Variants in PANK1 observed in about 807,000 individuals in gnomAD.
PANK1 encodes the protein pantothenate kinase 1.
PANK1 carries 18 observed loss-of-function variants against 40.1 expected under a neutral mutation model. The observed-to-expected ratio is 0.45, with a 90% confidence interval of 0.31 to 0.67. PANK1 has a LOEUF of 0.67. Among genes scored for constraint, PANK1 ranks in the 30% least tolerant of loss-of-function variants. The probability of loss-of-function intolerance (pLI) is 0.06; values close to 1 mark genes in which losing one functional copy is unlikely to be tolerated. For synonymous variants in PANK1, 242 were observed against 237.7 expected (o/e 1.02, Z -0.17); for missense variants, 457 against 599.6 (o/e 0.76, Z 2.48).
At chr10:89,644,481 C>T in intron 1 of PANK1, 119 bp downstream of exon 1, 2 of 863,734 alleles carry the variant, frequency 2.3e-6, no homozygotes, top group Non-Finnish European at 3.4e-6. Context: ...TGCAGTCCCT[C>T]GACCGCAGAC....
At position 89,584,402 on chromosome 10, in the gene PANK1, G is replaced by A. The variant is rs1359031027; in HGVS notation, c.*4C>T. ...TGGGAGGCTGTTTCCTCCACTGCTC[G>A]TCTCTACTTGTCATCAGTCATTTTG... is the stretch of plus-strand genomic sequence containing the variant. On this transcript the variant is annotated 3_prime_UTR_variant, in exon 7 of 7. Coordinates refer to ENST00000307534, the MANE Select transcript of PANK1 (RefSeq NM_148977.3). The A allele has an allele frequency of 1.4e-5, 22 of 1,586,484 alleles. No homozygotes were observed. The East Asian group carries it at 2.0e-4, about 15-fold the overall frequency.
rs77148299 is a variant in PANK1 at position 89,604,030 on chromosome 10, T to C, written c.646-4525A>G. Among the ~76,000 whole-genome samples, 179 of 152,350 alleles carry C rather than the reference T, an allele frequency of 1.2e-3. 2 individuals are homozygous for C. Among genetic ancestry groups the C allele is most frequent in the African/African-American group, 4.1e-3 (170 of 41,590 alleles). On this transcript the variant is annotated intron_variant, in intron 2 of 6. Transcript: ENST00000307534. ...CTCCTGATGCTTTTCCATCATTATA[T>C]GCTTTTTAAGACTGGTCCCTTGGAG...
intron 3 of PANK1, among the ~76,000 whole-genome samples, chr10:89,595,856 ATATATATATATATATAT>A (rs1264602648): frequency 1.7e-5 from 2 of 119,802 alleles, no homozygotes; most frequent in African/African-American, 3.4e-5. Context: ...ATATATATAT[ATATATATATATATATAT>A]AACTTCATTT....
At chr10:89,606,667 G>C (rs568142477) in intron 2 of PANK1, among the ~76,000 whole-genome samples, 2 of 152,184 alleles carry the variant, frequency 1.3e-5, no homozygotes, top group South Asian at 4.2e-4. Context: ...GGGACTATAG[G>C]GGTGCACCAC....
At chr10:89,621,575 C>A (rs1234392420) in intron 1 of PANK1, among the ~76,000 whole-genome samples, 1 of 152,074 alleles carries the variant, frequency 6.6e-6, no homozygotes, top group Non-Finnish European at 1.5e-5. Context: ...GTATCTGAGC[C>A]CATTTTCAGT....
At chr10:89,616,157 CA>C (rs34536953) in intron 1 of PANK1, among the ~76,000 whole-genome samples, 11,630 of 152,280 alleles carry the variant, frequency 0.076, 556 homozygotes, top group Admixed American at 0.11. Flanking sequence ...AAGACTTTTG[CA>C]AACAAATAAA....
At position 89,618,449 on chromosome 10, in the gene PANK1, A is replaced by G. The variant is rs551538608; in HGVS notation, c.293-6401T>C. 3.3e-5 allele frequency among the ~76,000 whole-genome samples: 5 copies of G among 152,340 alleles called. No homozygotes were observed. The East Asian group carries it at 9.6e-4, about 29-fold the overall frequency. On this transcript the variant is annotated intron_variant, in intron 1 of 6. Coordinates refer to ENST00000307534, the MANE Select transcript of PANK1 (RefSeq NM_148977.3). The stretch of plus-strand genomic sequence containing the variant: ...CATCACCTGAGTAACAGCCTAAATT[A>G]GGCATCATCCAGATACTGTGCTGGG...
At chr10:89,589,992 C>A in intron 5 of PANK1, among the ~76,000 whole-genome samples, 3 of 140,344 alleles carry the variant, frequency 2.1e-5, no homozygotes, top group Non-Finnish European at 1.5e-5. Context: ...AAGAGCATTC[C>A]ATGTTTCAAA....
At chr10:89,595,300 A>T (rs1844527807) in intron 3 of PANK1, among the ~76,000 whole-genome samples, 1 of 151,580 alleles carries the variant, frequency 6.6e-6, no homozygotes, top group Non-Finnish European at 1.5e-5. Flanking sequence ...AAAATACAAA[A>T]ATTAGCCAGG....
intron 1 of PANK1, among the ~76,000 whole-genome samples, chr10:89,620,950 C>T (rs781159036): frequency 2.6e-5 from 4 of 152,168 alleles, no homozygotes; most frequent in Non-Finnish European, 5.9e-5. Flanking sequence ...AGATATTTTA[C>T]ACCAAATGAA....
rs530256020 is a variant in PANK1 at position 89,644,905 on chromosome 10, G to T, written c.-14C>A. The T allele has an allele frequency of 1.3e-6, 2 of 1,530,182 alleles. No homozygotes were observed. The highest frequency in any genetic ancestry group is 1.7e-6 in the Non-Finnish European group (2 of 1,143,150). 94.8% of individuals were successfully genotyped at this position (1,530,182 alleles called of 1,614,324 possible). A position where few individuals can be genotyped will look rare whatever the true frequency, so the allele number is the denominator to read the frequency against. ...GCGGTCGCCCATGCCGGGGGCTGGC[G>T]GGGCTGTGCGCGGGCCCCGGCTCAG... On this transcript the variant is annotated 5_prime_UTR_variant, in exon 1 of 7. Coordinates refer to ENST00000307534, the MANE Select transcript of PANK1 (RefSeq NM_148977.3).
At chr10:89,598,546 C>T (rs1445610431) in intron 3 of PANK1, among the ~76,000 whole-genome samples, 1 of 152,164 alleles carries the variant, frequency 6.6e-6, no homozygotes, top group African/African-American at 2.4e-5. Context: ...TTAAGGAAAA[C>T]CTATTTAGTT....
chr10:89,606,677 C>T (rs12249756), intron 2 of PANK1, among the ~76,000 whole-genome samples: 2,872 of 152,256 alleles, frequency 0.019, 76 homozygotes, highest in African/African-American at 0.064. Flanking sequence ...GGGTGCACCA[C>T]CACATCTGGC....
intron 1 of PANK1, among the ~76,000 whole-genome samples, chr10:89,628,019 T>TA (rs1250067520): frequency 6.6e-6 from 1 of 152,168 alleles, no homozygotes; most frequent in Non-Finnish European, 1.5e-5. Flanking sequence ...TTACAAGTTT[T>TA]AAAAAATTGA....
chr10:89,631,243 A>G (rs1468836066), intron 1 of PANK1, among the ~76,000 whole-genome samples: 2 of 152,218 alleles, frequency 1.3e-5, no homozygotes, highest in Non-Finnish European at 2.9e-5. Flanking sequence ...GACAAAAGTA[A>G]ACCAGTTCTG....
chr10:89,643,637 A>G, intron 1 of PANK1: 1 of 1,312,406 alleles, frequency 7.6e-7, no homozygotes, highest in Non-Finnish European at 1.1e-6. Context: ...CAATTTCCCT[A>G]TATCGAACAG....
intron 1 of PANK1, among the ~76,000 whole-genome samples, chr10:89,637,244 A>C (rs1589820669): frequency 6.6e-6 from 1 of 152,000 alleles, no homozygotes; most frequent in African/African-American, 2.4e-5. Context: ...CAGCCCTGAG[A>C]AGTGAACTCC....
rs1480945965 is a variant in PANK1 at position 89,591,029 on chromosome 10, CATAT to C, written c.1200+2164_1200+2167del. Among the ~76,000 whole-genome samples, 534 of 152,072 alleles carry C rather than the reference CATAT, an allele frequency of 3.5e-3. 5 individuals are homozygous for C. The highest frequency in any genetic ancestry group is 0.012 in the African/African-American group (516 of 41,478). On this transcript the variant is annotated intron_variant, in intron 5 of 6. Coordinates refer to ENST00000307534, the MANE Select transcript of PANK1 (RefSeq NM_148977.3). The stretch of plus-strand genomic sequence containing the variant: ...TCTTTATACTGTTCTCTCTCCTTTA[CATAT>C]GTTTATGAATTTTCTTAATAAAAAG...
At chr10:89,599,100 C>T in intron 3 of PANK1, 152 bp downstream of exon 3, 1 of 660,256 alleles carries the variant, frequency 1.5e-6, no homozygotes, top group South Asian at 2.0e-5. Context: ...ACCCACATAC[C>T]ACTTTAACAC....
Sources: gnomAD v4.1 joint callset for allele counts (sites outside exome capture counted in the v4.1 genomes callset) on GRCh38, gnomAD v4.1.1 for gene constraint, MANE v1.5 for transcripts, NCBI Gene and HGNC (gene_info 2026-07-23, HGNC 2026-07-21) for gene names.